Variants in RAF1 observed in about 807,000 individuals in gnomAD.
RAF1 encodes the protein Raf-1 proto-oncogene, serine/threonine kinase.
RAF1 carries 27 observed loss-of-function variants against 81.1 expected under a neutral mutation model. That is an observed-to-expected ratio of 0.33 (90% CI 0.25 to 0.46). The LOEUF is 0.46. RAF1 is among the 20% of genes least tolerant of loss of function. RAF1 has a pLI of 1.00. For missense variants in RAF1, 598 were observed against 826.0 expected (o/e 0.72, Z 3.38); for synonymous variants, 298 against 294.0 (o/e 1.01, Z -0.14).
At chr3:12,622,889 G>T (rs978046077) in intron 1 of RAF1, among the ~76,000 whole-genome samples, 1 of 152,138 alleles carries the variant, frequency 6.6e-6, no homozygotes, top group Non-Finnish European at 1.5e-5. Flanking sequence ...TCAGCCGGGC[G>T]CAGTTGTTCA....
chr3:12,614,226 T>C (rs2059303712), intron 2 of RAF1, among the ~76,000 whole-genome samples: 1 of 152,170 alleles, frequency 6.6e-6, no homozygotes, highest in Non-Finnish European at 1.5e-5. Context: ...TAAAAATAAA[T>C]AAAATTAGCA....
chr3:12,588,215 T>C (rs931197800), intron 13 of RAF1: 1 of 152,234 alleles, frequency 6.6e-6, no homozygotes, highest in African/African-American at 2.4e-5. Flanking sequence ...GGAATGTTAC[T>C]CAGACACAGA....
chr3:12,625,043 A>T (rs1219259969), intron 1 of RAF1, among the ~76,000 whole-genome samples: 1 of 152,128 alleles, frequency 6.6e-6, no homozygotes, highest in East Asian at 1.9e-4. Context: ...GGGAAACACA[A>T]ATATAAAAAC....
intron 1 of RAF1, among the ~76,000 whole-genome samples, chr3:12,650,038 C>A (rs900812002): frequency 6.9e-6 from 1 of 144,310 alleles, no homozygotes; most frequent in African/African-American, 2.5e-5. Flanking sequence ...CCCAGCTACT[C>A]GGGAGGCTGA....
At chr3:12,646,134 CA>C (rs1432541971) in intron 1 of RAF1, among the ~76,000 whole-genome samples, 1 of 152,122 alleles carries the variant, frequency 6.6e-6, no homozygotes, top group South Asian at 2.1e-4. Flanking sequence ...GATGGTGTAT[CA>C]AAAATCTAAT....
At chr3:12,595,620 C>T (rs1375272814) in intron 11 of RAF1, among the ~76,000 whole-genome samples, 1 of 152,112 alleles carries the variant, frequency 6.6e-6, no homozygotes. Flanking sequence ...TCCTTGAGTT[C>T]TCGGAGCAGG....
At chr3:12,613,782 G>A (rs2059290459) in intron 2 of RAF1, among the ~76,000 whole-genome samples, 1 of 152,148 alleles carries the variant, frequency 6.6e-6, no homozygotes. Context: ...TTTTTCACAA[G>A]GCTTTATTTT....
chr3:12,633,541 A>G (rs2059925100), intron 1 of RAF1, among the ~76,000 whole-genome samples: 1 of 151,734 alleles, frequency 6.6e-6, no homozygotes, highest in African/African-American at 2.4e-5. Context: ...ACAATGAAAG[A>G]ACTTGAACTA....
At chr3:12,657,862 A>AAAAACAAAAC (rs796522408) in intron 1 of RAF1, among the ~76,000 whole-genome samples, 1 of 102,884 alleles carries the variant, frequency 9.7e-6, no homozygotes, top group Non-Finnish European at 2.0e-5. Flanking sequence ...CACCCAAAAA[A>AAAAACAAAAC]AAAACAAAAC....
At chr3:12,587,503 C>T (rs2058365738) in intron 14 of RAF1, 88 bp downstream of exon 13, 1 of 1,253,368 alleles carries the variant, frequency 8.0e-7, no homozygotes, top group Middle Eastern at 1.8e-4. Context: ...TCCCCTGGCA[C>T]CGAGAGCCAC....
intron 1 of RAF1, among the ~76,000 whole-genome samples, chr3:12,619,901 G>A (rs950198096): frequency 1.3e-5 from 2 of 151,578 alleles, no homozygotes; most frequent in African/African-American, 4.8e-5. Flanking sequence ...GCTAACACAG[G>A]GATACCCTGT....
At chr3:12,602,907 C>A (rs768091540) in intron 8 of RAF1, among the ~76,000 whole-genome samples, 1 of 152,006 alleles carries the variant, frequency 6.6e-6, no homozygotes, top group Non-Finnish European at 1.5e-5. Context: ...AATATTTATT[C>A]TAGGGTTTAT....
At chr3:12,612,649 CA>C (rs546490049) in intron 2 of RAF1, among the ~76,000 whole-genome samples, 3,889 of 74,668 alleles carry the variant, frequency 0.052, 70 homozygotes, top group African/African-American at 0.12. Context: ...GACTCCGTCT[CA>C]AAAAAAAAAA....
In RAF1 at chr3:12,633,410, C is replaced by A. The variant is rs187152595; in HGVS notation, c.-26-14663G>T. ...GGAGGATCACTTGAGCTCAGGAGGT[C>A]GAGGCTGCCAAGAGCTGTGATTGTG... is the stretch of plus-strand genomic sequence containing the variant. On this transcript the variant is annotated intron_variant, in intron 1 of 17. Transcript: ENST00000442415. 1.2e-3 allele frequency among the ~76,000 whole-genome samples: 175 copies of A among 149,956 alleles called. 3 individuals are homozygous for A. The highest frequency in any genetic ancestry group is 8.9e-3 in the Admixed American group (132 of 14,910).
At chr3:12,603,180 C>T (rs2058917123) in intron 8 of RAF1, among the ~76,000 whole-genome samples, 1 of 152,144 alleles carries the variant, frequency 6.6e-6, no homozygotes, top group South Asian at 2.1e-4. Context: ...CTCCAGTGAT[C>T]CTCCTGCCTT....
chr3:12,643,044 A>C (rs1397189885), intron 1 of RAF1, among the ~76,000 whole-genome samples: 1 of 152,160 alleles, frequency 6.6e-6, no homozygotes, highest in Non-Finnish European at 1.5e-5. Context: ...TTCATCTCCT[A>C]TTCTTTCAAG....
intron 11 of RAF1, among the ~76,000 whole-genome samples, chr3:12,597,163 G>T (rs1234633107): frequency 4.6e-5 from 7 of 152,110 alleles, no homozygotes; most frequent in African/African-American, 1.7e-4. Flanking sequence ...CTCCCAAAGT[G>T]CTGGGATTAC....
intron 7 of RAF1, chr3:12,603,581 G>A (rs1356840182): frequency 1.4e-6 from 1 of 689,906 alleles, no homozygotes; most frequent in Non-Finnish European, 2.6e-6. Flanking sequence ...AAGAACAAAG[G>A]AAGTATTTAA....
At chr3:12,620,900 CAGAGTT>C (rs2059537383) in intron 1 of RAF1, among the ~76,000 whole-genome samples, 1 of 5,038 alleles carries the variant, frequency 2.0e-4, no homozygotes, top group Non-Finnish European at 2.7e-4. Flanking sequence ...ATTCAGAGTT[CAGAGTT>C]CAGTTCATTC....
Sources: allele counts gnomAD v4.1 joint callset (sites outside exome capture counted in the v4.1 genomes callset), GRCh38; gene constraint gnomAD v4.1.1; transcripts MANE v1.5; gene names NCBI Gene and HGNC (gene_info 2026-07-23, HGNC 2026-07-21).